Variants in LDAH observed in about 807,000 individuals in gnomAD.
LDAH encodes the protein lipid droplet-associated hydrolase.
A neutral mutation model predicts 29.6 loss-of-function variants in LDAH; 26 were observed. The observed-to-expected ratio is 0.88, with a 90% CI of 0.64 to 1.22. The LOEUF (loss-of-function observed/expected upper bound fraction) is 1.22. Ranked by LOEUF, LDAH falls within the 50% of genes most tolerant of loss-of-function variation. The pLI is 0.00. For synonymous variants in LDAH, 117 were observed against 133.0 expected, an observed-to-expected ratio of 0.88 and a Z score of 0.83; for missense variants, 344 against 387.3, an observed-to-expected ratio of 0.89 and a Z score of 0.94.
In LDAH at chr2:20,774,898, A is replaced by G; in HGVS notation, c.380T>C (p.Val127Ala). Reference sequence around the variant, plus strand: ...GAGCACAAGTTTCATGTCCTTTGGCACATGAGTTCTCAGGAAAGCTAGTTT... The same window carrying G: ...GAGCACAAGTTTCATGTCCTTTGGCGCATGAGTTCTCAGGAAAGCTAGTTT... ...EHKLAFLRTH[V>A]PKDMKLVLIG... is the part of the protein sequence containing the mutation. Residue 127 changes from valine (V) to alanine (A), a missense_variant, in exon 4 of 7, where the codon GTG becomes GCG. Physicochemically the swap from Val to Ala is moderately conservative, Grantham distance 64. Coordinates refer to ENST00000237822, the MANE Select transcript of LDAH (RefSeq NM_021925.4). 1.2e-6 allele frequency: 2 copies of G among 1,613,732 alleles called. No homozygotes were observed. The highest frequency in any genetic ancestry group is 2.2e-5 in the South Asian group (2 of 91,070).
At position 20,685,767 on chromosome 2, in the gene LDAH, G is replaced by A. The variant is rs1383241256; in HGVS notation, c.*1136C>T. The stretch of plus-strand genomic sequence containing the variant: ...CAGCAATATTGTCAGCCCACTCTAG[G>A]CCAGGGAATATGTGTCTTCTCTGCC... On this transcript the variant is annotated 3_prime_UTR_variant, in exon 7 of 7. Coordinates refer to ENST00000237822, the MANE Select transcript of LDAH (RefSeq NM_021925.4). 3 of 1,340,134 alleles carry A rather than the reference G, an allele frequency of 2.2e-6. No individual in the cohort carries two copies. The highest frequency in any genetic ancestry group is 1.5e-5 in the African/African-American group (1 of 68,338). The allele number at this position is 1,340,134 out of a possible 1,614,324, so 83.0% of individuals were successfully genotyped here. A position where few individuals can be genotyped will look rare whatever the true frequency, so the allele number is the denominator to read the frequency against.
chr2:20,688,845 T>G (rs947939472), intron 6 of LDAH, among the ~76,000 whole-genome samples: 18 of 150,402 alleles, frequency 1.2e-4, no homozygotes, highest in African/African-American at 4.2e-4. Context: ...TTTTTTTTTT[T>G]TTTTTTTTAA....
chr2:20,811,483 AGTT>A (rs1243478843), intron 1 of LDAH, among the ~76,000 whole-genome samples: 2 of 138,228 alleles, frequency 1.4e-5, no homozygotes, highest in Admixed American at 6.8e-5. Context: ...GGATTAAACT[AGTT>A]TTTTTTTTTT....
chr2:20,761,800 A>G (rs1175459592), intron 4 of LDAH, among the ~76,000 whole-genome samples: 1 of 152,150 alleles, frequency 6.6e-6, no homozygotes, highest in Admixed American at 6.5e-5. Context: ...TTAAATTTTT[A>G]AAAAAGATCT....
At chr2:20,775,115 G>C in intron 3 of LDAH, 136 bp from the exon 4 acceptor site, 1 of 713,346 alleles carries the variant, frequency 1.4e-6, no homozygotes, top group Non-Finnish European at 2.3e-6. Flanking sequence ...ATAATATTAG[G>C]CATTCATTAT....
intron 4 of LDAH, among the ~76,000 whole-genome samples, chr2:20,743,999 T>G (rs574375863): frequency 6.6e-6 from 1 of 152,058 alleles, no homozygotes; most frequent in South Asian, 2.1e-4. Context: ...GATAAGCCCA[T>G]CAAAGCCATT....
chr2:20,769,183 A>G (rs1257921120), intron 4 of LDAH, among the ~76,000 whole-genome samples: 1 of 152,138 alleles, frequency 6.6e-6, no homozygotes, highest in Non-Finnish European at 1.5e-5. Flanking sequence ...CCTAGCCACC[A>G]TATAAAATCC....
At chr2:20,766,116 A>C (rs144186410) in intron 4 of LDAH, among the ~76,000 whole-genome samples, 61 of 152,040 alleles carry the variant, frequency 4.0e-4, no homozygotes, top group African/African-American at 1.4e-3. Context: ...TATACATTCG[A>C]CATTATAATC....
At chr2:20,764,352 T>A (rs1476333853) in intron 4 of LDAH, among the ~76,000 whole-genome samples, 1 of 152,252 alleles carries the variant, frequency 6.6e-6, no homozygotes, top group Non-Finnish European at 1.5e-5. Flanking sequence ...TGTCTAAGCC[T>A]GTGTTTTTCA....
At chr2:20,695,689 C>T (rs1038767587) in intron 6 of LDAH, among the ~76,000 whole-genome samples, 3 of 152,092 alleles carry the variant, frequency 2.0e-5, no homozygotes, top group Non-Finnish European at 4.4e-5. Flanking sequence ...ACCTCATGAT[C>T]CACCCGCCTC....
At chr2:20,769,046 C>A (rs1272425864) in intron 4 of LDAH, among the ~76,000 whole-genome samples, 1 of 152,146 alleles carries the variant, frequency 6.6e-6, no homozygotes, top group East Asian at 1.9e-4. Flanking sequence ...GAATCTCATG[C>A]CCGATCGACC....
At chr2:20,795,222 G>T (rs1287877365) in intron 2 of LDAH, among the ~76,000 whole-genome samples, 1 of 152,138 alleles carries the variant, frequency 6.6e-6, no homozygotes, top group South Asian at 2.1e-4. Flanking sequence ...ATCATCTCTA[G>T]GCCCTGACTG....
chr2:20,812,312 A>G (rs1453304127), intron 1 of LDAH, among the ~76,000 whole-genome samples: 3 of 152,188 alleles, frequency 2.0e-5, no homozygotes, highest in African/African-American at 7.2e-5. Context: ...CCCTGTCCCC[A>G]AAGTTTCTGC....
rs1035615941 is a variant in LDAH, at chr2:20,789,100, C to T, written c.298+1155G>A. ...ACTCTTTCTGTCTGTTGTACCTCTGCACCCACCTCCATGCCCTAAATCCAA... is the reference window on the plus strand; with the variant it reads ...ACTCTTTCTGTCTGTTGTACCTCTGTACCCACCTCCATGCCCTAAATCCAA... On this transcript the variant is annotated intron_variant, in intron 3 of 6. Coordinates refer to ENST00000237822, the MANE Select transcript of LDAH (RefSeq NM_021925.4). 1.0e-5 allele frequency: 16 copies of T among 1,546,206 alleles called. No homozygotes were observed. The East Asian group carries it at 1.7e-4, about 17-fold the overall frequency.
At chr2:20,768,970 T>C (rs1037687016) in intron 4 of LDAH, among the ~76,000 whole-genome samples, 4 of 152,192 alleles carry the variant, frequency 2.6e-5, no homozygotes, top group Non-Finnish European at 5.9e-5. Context: ...CTTCAATGGC[T>C]TTCTGCTGTC....
intron 1 of LDAH, among the ~76,000 whole-genome samples, chr2:20,811,167 G>A (rs1672463728): frequency 6.6e-6 from 1 of 151,704 alleles, no homozygotes; most frequent in South Asian, 2.1e-4. Flanking sequence ...ACAGGCGCCC[G>A]CCACCACGGC....
At chr2:20,739,822 T>G in intron 5 of LDAH, 149 bp downstream of exon 5, 1 of 599,788 alleles carries the variant, frequency 1.7e-6, no homozygotes, top group Non-Finnish European at 2.9e-6. Flanking sequence ...CTATTTCTAA[T>G]TTTATTTATT....
chr2:20,738,312 G>T (rs974160999), intron 5 of LDAH, among the ~76,000 whole-genome samples: 1 of 145,798 alleles, frequency 6.9e-6, no homozygotes, highest in Admixed American at 6.7e-5. Context: ...GCAAAATACA[G>T]TAATTAAGAA....
At chr2:20,764,879 T>A (rs1361357636) in intron 4 of LDAH, among the ~76,000 whole-genome samples, 2 of 152,198 alleles carry the variant, frequency 1.3e-5, no homozygotes, top group African/African-American at 2.4e-5. Context: ...TTCGGTCTCA[T>A]CTTTAAGATG....
Sources: gnomAD v4.1 joint callset for allele counts (sites outside exome capture counted in the v4.1 genomes callset) on GRCh38, gnomAD v4.1.1 for gene constraint, MANE v1.5 for transcripts, NCBI Gene and HGNC (gene_info 2026-07-23, HGNC 2026-07-21) for gene names.